Variants in DCLK1 observed in about 807,000 individuals in gnomAD.
DCLK1 encodes the protein serine/threonine-protein kinase DCLK1.
A neutral mutation model predicts 86.2 loss-of-function variants in DCLK1; 16 were observed. That is an observed-to-expected ratio of 0.19 (90% CI 0.13 to 0.28). The LOEUF (loss-of-function observed/expected upper bound fraction) is 0.28. DCLK1 is among the 10% of genes least tolerant of loss of function. The pLI, the probability that DCLK1 is intolerant of heterozygous loss-of-function variation, is 1.00. For synonymous variants in DCLK1, 369 were observed against 370.5 expected (o/e 1.00, Z 0.05); for missense variants, 590 against 940.2 (o/e 0.63, Z 4.87).
chr13:35,813,875 T>C (rs760079856), intron 11 of DCLK1, among the ~76,000 whole-genome samples: 7 of 148,194 alleles, frequency 4.7e-5, no homozygotes, highest in Non-Finnish European at 8.9e-5. Context: ...TAGACACAAG[T>C]ACATTTGAAA....
intron 6 of DCLK1, among the ~76,000 whole-genome samples, chr13:35,853,073 A>G (rs529519463): frequency 1.3e-5 from 2 of 152,320 alleles, no homozygotes; most frequent in East Asian, 3.9e-4. Flanking sequence ...GAAAAGAATG[A>G]CCGACCAGCT....
At chr13:36,045,308 A>T (rs76389660) in intron 3 of DCLK1, among the ~76,000 whole-genome samples, 1 of 123,438 alleles carries the variant, frequency 8.1e-6, no homozygotes, top group Admixed American at 9.4e-5. Flanking sequence ...TAATATATAT[A>T]TGTCTATATA....
At chr13:35,927,108 T>C (rs913901031) in intron 4 of DCLK1, among the ~76,000 whole-genome samples, 1 of 152,236 alleles carries the variant, frequency 6.6e-6, no homozygotes, top group African/African-American at 2.4e-5. Context: ...AGAACTGAAC[T>C]AGAAATTCCT....
chr13:35,851,849 C>T (rs1296305993), intron 6 of DCLK1, among the ~76,000 whole-genome samples: 3 of 152,142 alleles, frequency 2.0e-5, no homozygotes, highest in Non-Finnish European at 2.9e-5. Flanking sequence ...GAAAGCTGAT[C>T]AAATTTTGTA....
intron 3 of DCLK1, among the ~76,000 whole-genome samples, chr13:35,997,831 C>T (rs1880537809): frequency 6.6e-6 from 1 of 152,194 alleles, no homozygotes; most frequent in South Asian, 2.1e-4. Flanking sequence ...AACCAGAATG[C>T]ATAGGTCCTG....
intron 11 of DCLK1, among the ~76,000 whole-genome samples, chr13:35,817,108 T>C (rs984963941): frequency 1.3e-5 from 2 of 152,184 alleles, no homozygotes; most frequent in African/African-American, 4.8e-5. Context: ...AAGAAATGAG[T>C]GTCATCTCTT....
At chr13:35,901,088 T>A (rs547784970) in intron 4 of DCLK1, among the ~76,000 whole-genome samples, 1 of 152,248 alleles carries the variant, frequency 6.6e-6, no homozygotes, top group South Asian at 2.1e-4. Context: ...GGAAATAAAA[T>A]TAATTCAGTA....
At chr13:36,028,592 T>C (rs1469646986) in intron 3 of DCLK1, among the ~76,000 whole-genome samples, 1 of 152,188 alleles carries the variant, frequency 6.6e-6, no homozygotes, top group Non-Finnish European at 1.5e-5. Context: ...TCAGAGGCGT[T>C]TGAACCAGAG....
At chr13:36,012,709 G>A (rs1881336191) in intron 3 of DCLK1, among the ~76,000 whole-genome samples, 1 of 115,412 alleles carries the variant, frequency 8.7e-6, no homozygotes, top group Non-Finnish European at 1.8e-5. Flanking sequence ...ATGTGTCTTG[G>A]AGTTGCTCTT....
At chr13:35,919,885 G>T (rs1875689444) in intron 4 of DCLK1, among the ~76,000 whole-genome samples, 1 of 130,760 alleles carries the variant, frequency 7.6e-6, no homozygotes, top group Admixed American at 8.2e-5. Flanking sequence ...TGAGGATAAT[G>T]ATAGTAGCAC....
At chr13:35,857,778 G>A (rs905497494) in intron 5 of DCLK1, among the ~76,000 whole-genome samples, 1 of 152,210 alleles carries the variant, frequency 6.6e-6, no homozygotes, top group Non-Finnish European at 1.5e-5. Flanking sequence ...TGAAGCAAGG[G>A]GGGCACAATG....
intron 4 of DCLK1, among the ~76,000 whole-genome samples, chr13:35,943,794 C>T (rs892772915): frequency 2.0e-5 from 3 of 152,174 alleles, no homozygotes; most frequent in Admixed American, 6.5e-5. Flanking sequence ...TAAATGGCTA[C>T]GGATTACAAA....
In DCLK1 at chr13:36,125,954, A is replaced by G. The variant is rs775875746; in HGVS notation, c.184T>C (p.Tyr62His). ...SEKKAKKVRF[Y>H]RNGDRYFKGI... ...TTGAAGTATCGATCTCCGTTTCGAT[A>G]GAAACGAACTTTCTTGGCCTTCTTC... The change falls in exon 2 of 17, where the codon TAT (tyrosine) becomes CAT (histidine). Residue 62 changes from tyrosine to histidine, a missense_variant. Transcript: ENST00000360631. The G allele has an allele frequency of 1.2e-6, 2 of 1,614,234 alleles. No individual in the cohort carries two copies. Among genetic ancestry groups the G allele is most frequent in the Non-Finnish European group, 8.5e-7 (1 of 1,180,040 alleles).
chr13:35,844,200 A>C (rs1870013766), intron 6 of DCLK1, among the ~76,000 whole-genome samples: 1 of 152,240 alleles, frequency 6.6e-6, no homozygotes, highest in Non-Finnish European at 1.5e-5. Flanking sequence ...ATAAGTAAGA[A>C]TGAATACTGA....
At chr13:36,087,193 T>G (rs529585818) in intron 3 of DCLK1, among the ~76,000 whole-genome samples, 1 of 152,312 alleles carries the variant, frequency 6.6e-6, no homozygotes, top group East Asian at 1.9e-4. Context: ...CTCATTGTGG[T>G]TTTGATCTGC....
rs578005463 is a variant in DCLK1, at chr13:35,925,778, C to G, written c.823+21580G>C. The stretch of plus-strand genomic sequence containing the variant: ...CATTCTGACCTATTTGCTGGCTGAT[C>G]AGTTTACATATACGGACTCTAATTA... On this transcript the variant is annotated intron_variant, in intron 4 of 16. Transcript: ENST00000360631. Among the ~76,000 whole-genome samples, 3 of 152,184 alleles carry G rather than the reference C, an allele frequency of 2.0e-5. No individual in the cohort carries two copies. The East Asian group carries it at 5.8e-4, about 29-fold the overall frequency.
chr13:35,789,760 C>T (rs1345642750), intron 16 of DCLK1, among the ~76,000 whole-genome samples: 2 of 152,176 alleles, frequency 1.3e-5, no homozygotes, highest in Non-Finnish European at 2.9e-5. Flanking sequence ...TCAAGCTGAG[C>T]AAATCTAATA....
At chr13:35,801,233 A>G (rs2086913026) in intron 15 of DCLK1, among the ~76,000 whole-genome samples, 1 of 152,230 alleles carries the variant, frequency 6.6e-6, no homozygotes, top group Non-Finnish European at 1.5e-5. Context: ...CTAAATGGAT[A>G]TTCTTTGAAA....
chr13:36,019,861 T>C (rs957624660), intron 3 of DCLK1, among the ~76,000 whole-genome samples: 1 of 152,198 alleles, frequency 6.6e-6, no homozygotes, highest in Non-Finnish European at 1.5e-5. Flanking sequence ...CTATGGTTTA[T>C]ATATGGTTTG....
Sources: gnomAD v4.1 joint callset for allele counts (sites outside exome capture counted in the v4.1 genomes callset) on GRCh38, gnomAD v4.1.1 for gene constraint, MANE v1.5 for transcripts, NCBI Gene and HGNC (gene_info 2026-07-23, HGNC 2026-07-21) for gene names.